DLGAP1: variants seen among roughly 807,000 people sequenced by gnomAD.
DLGAP1 encodes disks large-associated protein 1.
A neutral mutation model predicts 90.8 loss-of-function variants in DLGAP1; 11 were observed. The observed-to-expected ratio is 0.12, with a 90% CI of 0.08 to 0.20. The LOEUF (loss-of-function observed/expected upper bound fraction) is 0.20. Ranked by LOEUF, DLGAP1 falls within the 10% of genes least tolerant of loss-of-function variation. The pLI, the probability that DLGAP1 is intolerant of heterozygous loss-of-function variation, is 1.00. For synonymous variants in DLGAP1, 558 were observed against 540.7 expected (o/e 1.03, Z -0.44); for missense variants, 1,050 against 1,333.8 (o/e 0.79, Z 3.31).
At chr18:3,642,191 C>A (rs2058966426) in intron 7 of DLGAP1, among the ~76,000 whole-genome samples, 1 of 152,178 alleles carries the variant, frequency 6.6e-6, no homozygotes, top group Non-Finnish European at 1.5e-5. Flanking sequence ...TTGACTATCC[C>A]TTATCCAAAA....
intron 7 of DLGAP1, among the ~76,000 whole-genome samples, chr18:3,625,773 A>G (rs2058271443): frequency 6.6e-6 from 1 of 152,224 alleles, no homozygotes; most frequent in Non-Finnish European, 1.5e-5. Flanking sequence ...TCATCTTAAC[A>G]CAATGCAACT....
intron 2 of DLGAP1, among the ~76,000 whole-genome samples, chr18:4,080,708 C>T (rs1437107679): frequency 6.6e-6 from 1 of 152,152 alleles, no homozygotes; most frequent in Non-Finnish European, 1.5e-5. Flanking sequence ...GCCTCCTCTT[C>T]TCTCCCTCCC....
rs539455150 is a variant in DLGAP1, at chr18:4,040,687, CA to C, written c.-158-35487del. ...GTTTGTTGATAAGTGGTGCTCATGG[CA>C]AATTATTTAGGAGATGAAGTTCTGG... On this transcript the variant is annotated intron_variant, in intron 2 of 12. Coordinates refer to ENST00000315677, the MANE Select transcript of DLGAP1 (RefSeq NM_004746.4). 1.6e-3 allele frequency among the ~76,000 whole-genome samples: 246 copies of C among 152,196 alleles called. 2 individuals are homozygous for C. The highest frequency in any genetic ancestry group is 5.7e-3 in the African/African-American group (236 of 41,502).
chr18:4,053,432 C>G (rs1391027940), intron 2 of DLGAP1, among the ~76,000 whole-genome samples: 1 of 152,148 alleles, frequency 6.6e-6, no homozygotes, highest in African/African-American at 2.4e-5. Context: ...ATGCAATTAC[C>G]TCCCACTGAG....
chr18:3,522,052 T>C (rs2051227570), intron 10 of DLGAP1, among the ~76,000 whole-genome samples: 1 of 151,866 alleles, frequency 6.6e-6, no homozygotes, highest in South Asian at 2.1e-4. Context: ...ATAAGTTGAG[T>C]TGTGTTTGTG....
chr18:4,207,053 C>T (rs2077734384), intron 1 of DLGAP1, among the ~76,000 whole-genome samples: 1 of 152,086 alleles, frequency 6.6e-6, no homozygotes, highest in South Asian at 2.1e-4. Context: ...GGTGGGTAAG[C>T]ACTGAGGTGG....
At chr18:3,616,559 G>A (rs1328351110) in intron 7 of DLGAP1, among the ~76,000 whole-genome samples, 1 of 151,652 alleles carries the variant, frequency 6.6e-6, no homozygotes, top group East Asian at 1.9e-4. Flanking sequence ...AGACCAGCCT[G>A]GGAAACATGG....
chr18:4,004,594 A>C (rs2074263002), intron 3 of DLGAP1, among the ~76,000 whole-genome samples: 1 of 152,220 alleles, frequency 6.6e-6, no homozygotes, highest in Non-Finnish European at 1.5e-5. Context: ...TCAGAAGAGG[A>C]AAAATAGTGA....
intron 9 of DLGAP1, among the ~76,000 whole-genome samples, chr18:3,563,667 C>A (rs1279813626): frequency 6.6e-6 from 1 of 152,002 alleles, no homozygotes; most frequent in Admixed American, 6.6e-5. Context: ...TGGGGTTTCT[C>A]CATGTTGGCC....
At chr18:3,858,903 C>G (rs1432832499) in intron 4 of DLGAP1, among the ~76,000 whole-genome samples, 1 of 152,072 alleles carries the variant, frequency 6.6e-6, no homozygotes, top group Non-Finnish European at 1.5e-5. Context: ...GTGGATGAAG[C>G]TATTGAATGC....
intron 5 of DLGAP1, among the ~76,000 whole-genome samples, chr18:3,778,627 C>T (rs914707125): frequency 3.3e-5 from 5 of 152,172 alleles, no homozygotes; most frequent in African/African-American, 4.8e-5. Context: ...TGCACAGCAG[C>T]GGCAAGTGGG....
At chr18:4,236,766 T>A (rs2078425279) in intron 1 of DLGAP1, among the ~76,000 whole-genome samples, 1 of 152,058 alleles carries the variant, frequency 6.6e-6, no homozygotes, top group African/African-American at 2.4e-5. Flanking sequence ...TCTAGCTGAT[T>A]TACAAACATG....
intron 3 of DLGAP1, among the ~76,000 whole-genome samples, chr18:3,911,992 T>G (rs73940286): frequency 0.028 from 4,315 of 152,304 alleles, 198 homozygotes; most frequent in African/African-American, 0.095. Context: ...CAGATTCAAG[T>G]CCTGTCGAAT....
At chr18:4,444,102 C>A (rs2083602534) in intron 1 of DLGAP1, among the ~76,000 whole-genome samples, 1 of 152,130 alleles carries the variant, frequency 6.6e-6, no homozygotes, top group South Asian at 2.1e-4. Flanking sequence ...AAGGTGAATG[C>A]AATTGGAAGA....
Position 3,837,849 on chromosome 18 carries a change from CAAAAAAAAAAAAAAAAAAAA to C in DLGAP1, c.958-23596_958-23577del, listed in dbSNP as rs5822770. On this transcript the variant is annotated intron_variant, in intron 4 of 12. Coordinates refer to ENST00000315677, the MANE Select transcript of DLGAP1 (RefSeq NM_004746.4). ...CCTGGGCGACAGAGTGAGATTCTGT[CAAAAAAAAAAAAAAAAAAAA>C]AAAAAAAAAAAAGTCAGGGACAAGG... is the stretch of plus-strand genomic sequence containing the variant. Among the ~76,000 whole-genome samples the C allele has an allele frequency of 3.4e-4, 9 of 26,800 alleles. No homozygotes were observed. In the East Asian group the frequency reaches 8.4e-3, roughly 25 times the overall value. 17.6% of individuals were successfully genotyped at this position (26,800 alleles called of 152,430 possible).
At chr18:3,982,717 T>C (rs146361498) in intron 3 of DLGAP1, among the ~76,000 whole-genome samples, 3 of 152,278 alleles carry the variant, frequency 2.0e-5, no homozygotes, top group African/African-American at 7.2e-5. Context: ...GGAAGCTCAG[T>C]GATGGCAAGA....
intron 1 of DLGAP1, among the ~76,000 whole-genome samples, chr18:4,364,280 T>C (rs1459564778): frequency 3.8e-5 from 5 of 131,422 alleles, no homozygotes; most frequent in Non-Finnish European, 8.1e-5. Flanking sequence ...GGGGGAGGGA[T>C]AGCATTAGGA....
intron 11 of DLGAP1, among the ~76,000 whole-genome samples, chr18:3,506,319 G>A (rs1165044095): frequency 2.6e-5 from 4 of 151,676 alleles, no homozygotes; most frequent in African/African-American, 9.7e-5. Flanking sequence ...TCCGAGACCA[G>A]CCTGACCAAC....
chr18:3,597,034 A>C (rs745472741), intron 7 of DLGAP1: 1 of 518,758 alleles, frequency 1.9e-6, no homozygotes, highest in East Asian at 5.5e-5. Flanking sequence ...CACCTGTGAC[A>C]CTGCCCTTTT....
Sources: gnomAD v4.1 joint callset for allele counts (sites outside exome capture counted in the v4.1 genomes callset) on GRCh38, gnomAD v4.1.1 for gene constraint, MANE v1.5 for transcripts, NCBI Gene and HGNC (gene_info 2026-07-23, HGNC 2026-07-21) for gene names.